TBL3: variants seen among roughly 807,000 people sequenced by gnomAD.
TBL3 encodes transducin beta-like protein 3.
In TBL3, 71 loss-of-function variants were observed where a neutral mutation model predicts 102.7. The ratio of observed to expected loss-of-function variants is 0.69; its 90% CI spans 0.57 to 0.84. The LOEUF (loss-of-function observed/expected upper bound fraction) is 0.84. TBL3 is among the 40% of genes least tolerant of loss of function. The probability of loss-of-function intolerance (pLI) is 0.00; values close to 1 mark genes in which losing one functional copy is unlikely to be tolerated. For missense variants in TBL3, 1,188 were observed against 1,098.5 expected, an observed-to-expected ratio of 1.08 and a Z score of -1.15; for synonymous variants, 578 against 477.7, an observed-to-expected ratio of 1.21 and a Z score of -2.74.
In TBL3 at chr16:1,974,989, G is replaced by A. The variant is rs756667892; in HGVS notation, c.526G>A (p.Ala176Thr). 1.9e-5 allele frequency: 31 copies of A among 1,607,774 alleles called. No individual in the cohort carries two copies. Among genetic ancestry groups the A allele is most frequent in the Admixed American group, 8.3e-5 (5 of 60,004 alleles). The change falls in exon 7 of 22, where the codon GCC (alanine) becomes ACC (threonine). Residue 176 changes from alanine (A) to threonine (T), a missense_variant. By Grantham distance (58) the Ala-to-Thr change is moderately conservative. Coordinates refer to ENST00000568546, the MANE Select transcript of TBL3 (RefSeq NM_006453.3). ...GCTCTTCTCCTCGGCCACGGATGCC[G>A]CCATCCGCGTGTGGTCACTGCAGGA... ...LLLFSSATDA[A>T]IRVWSLQDRS...
chr16:1,975,274 T>C lies in TBL3; in HGVS notation c.711+12T>C, dbSNP rs1473389493. On this transcript the variant is annotated intron_variant, in intron 8 of 21. Transcript: ENST00000568546. ...TGCCTGTGTTTGAGGTGGGGATGCC[T>C]GGAGGCCAGGGCTGGTTGAGTTGGG... 2 of 1,613,906 alleles carry C rather than the reference T, an allele frequency of 1.2e-6. No homozygotes were observed. Among genetic ancestry groups the C allele is most frequent in the South Asian group, 1.1e-5 (1 of 91,072 alleles).
chr16:1,977,627 A>C lies in TBL3; in HGVS notation c.1856A>C (p.His619Pro), dbSNP rs2083414720. The C allele has an allele frequency of 1.3e-6, 2 of 1,554,158 alleles. No homozygotes were observed. The highest frequency in any genetic ancestry group is 1.7e-6 in the Non-Finnish European group (2 of 1,148,426). ...WGLHCSRLDD[H>P]ALTGASDSRV... is the part of the protein sequence containing the mutation. ...CTGCACTGCAGCCGGCTGGACGACC[A>C]CGCCCTCACTGGGGCCAGTGACTCC... is the stretch of plus-strand genomic sequence containing the variant. The change falls in exon 17 of 22, where the codon CAC becomes CCC. Residue 619 changes from histidine (H) to proline (P), a missense_variant. Coordinates refer to ENST00000568546, the MANE Select transcript of TBL3 (RefSeq NM_006453.3).
chr16:1,981,577 C>T lies in TBL3; in HGVS notation c.*2892C>T, dbSNP rs1031551991. ...AGGGCTAATCAAAGCGCCACCTGTC[C>T]TGCCCACCTCTCTGGATTCCCCTAC... On this transcript the variant is annotated 3_prime_UTR_variant, in exon 22 of 22. Coordinates refer to ENST00000568546, the MANE Select transcript of TBL3 (RefSeq NM_006453.3). 1.7e-4 allele frequency: 35 copies of T among 208,946 alleles called. No individual in the cohort carries two copies. The highest frequency in any genetic ancestry group is 4.0e-4 in the Admixed American group (7 of 17,434). 12.9% of individuals were successfully genotyped at this position (208,946 alleles called of 1,614,324 possible).
intron 7 of TBL3, 38 bp downstream of exon 7, chr16:1,975,136 A>G (rs1254503185): frequency 6.2e-7 from 1 of 1,613,288 alleles, no homozygotes; most frequent in Non-Finnish European, 8.5e-7. Flanking sequence ...GAGGCTTGGA[A>G]AGTGGGGGCT....
Position 1,977,862 on chromosome 16 carries a change from G to T in TBL3, c.1958+62G>T. 4.4e-6 allele frequency: 7 copies of T among 1,587,470 alleles called. No homozygotes were observed. The South Asian group carries it at 6.8e-5, about 15-fold the overall frequency. Reference sequence around the variant, plus strand: ...CCCTGCTCTGTGCTGTAGGGAAAACGAGGCTGAGTGCCAGGCTCCCTGCCT... The same window carrying T: ...CCCTGCTCTGTGCTGTAGGGAAAACTAGGCTGAGTGCCAGGCTCCCTGCCT... On this transcript the variant is annotated intron_variant, in intron 18 of 21. Transcript: ENST00000568546.
At chr16:1,975,999 G>T in intron 11 of TBL3, 50 bp downstream of exon 11, 3 of 1,614,084 alleles carry the variant, frequency 1.9e-6, no homozygotes, top group Non-Finnish European at 2.5e-6. Context: ...TCGGTCCCTT[G>T]CTTGCTTCCC....
Position 1,975,592 on chromosome 16 carries a change from G to A in TBL3, c.869G>A (p.Gly290Asp). ...GTGTACACGCAGGCCCAGCCGCCGG[G>A]CCCTGGGCAGGAGCTGACCCACTGC... ...QCVYTQAQPP[G>D]PGQELTHCTL... Residue 290 changes from glycine (G) to aspartate (D), a missense_variant, in exon 10 of 22, where the codon GGC becomes GAC. Physicochemically the swap from Gly to Asp is moderately conservative, Grantham distance 94. Coordinates refer to ENST00000568546, the MANE Select transcript of TBL3 (RefSeq NM_006453.3). 1.2e-6 allele frequency: 2 copies of A among 1,600,796 alleles called. No individual in the cohort carries two copies. The highest frequency in any genetic ancestry group is 1.1e-5 in the South Asian group (1 of 90,996).
rs752909872 is a variant in TBL3 at position 1,979,953 on chromosome 16, C to T, written c.*1268C>T. 137 of 1,581,250 alleles carry T rather than the reference C, an allele frequency of 8.7e-5. No homozygotes were observed. The highest frequency in any genetic ancestry group is 1.7e-4 in the Middle Eastern group (1 of 5,950). The stretch of plus-strand genomic sequence containing the variant: ...CTCAAATCTCGAGGCTCCCTCGGGT[C>T]CAGGAGCAGAGGAGCAAATCCCTGG... On this transcript the variant is annotated 3_prime_UTR_variant, in exon 22 of 22. Transcript: ENST00000568546.
intron 1 of TBL3, among the ~76,000 whole-genome samples, chr16:1,972,982 A>G (rs1037354755): frequency 1.6e-4 from 25 of 152,178 alleles, no homozygotes; most frequent in Admixed American, 5.2e-4. Flanking sequence ...GGACAGGAGC[A>G]GTGGGGTGCA....
Position 1,979,182 on chromosome 16 carries a change from C to T in TBL3, c.*497C>T. ...GCTCTGGATGGCGCCCGGCGAAGGT[C>T]GGGTGGGCACGGTGGGGGGAGGGGC... On this transcript the variant is annotated 3_prime_UTR_variant, in exon 22 of 22. Transcript: ENST00000568546. The T allele has an allele frequency of 1.5e-6, 2 of 1,314,074 alleles. No individual in the cohort carries two copies. The highest frequency in any genetic ancestry group is 2.0e-6 in the Non-Finnish European group (2 of 991,868). The allele number at this position is 1,314,074 out of a possible 1,614,324, so 81.4% of individuals were successfully genotyped here. A position where few individuals can be genotyped will look rare whatever the true frequency, so the allele number is the denominator to read the frequency against.
At position 1,975,698 on chromosome 16, in the gene TBL3, G is replaced by A; in HGVS notation, c.975G>A (p.Arg325=). Residue 325 remains arginine (R), a synonymous_variant, in exon 10 of 22, where the codon CGG becomes CGA. Coordinates refer to ENST00000568546, the MANE Select transcript of TBL3 (RefSeq NM_006453.3). ...TGCTCTACGAGGCTCGCTCCCTGCG[G>A]CTGCAGAAACAGGTGCACACCTGCC... ...NLLLYEARSL[R]LQKQFAGYSE... is the part of the protein sequence containing the mutation. 1 of 1,611,876 alleles carries A rather than the reference G, an allele frequency of 6.2e-7. No individual in the cohort carries two copies. The highest frequency in any genetic ancestry group is 8.5e-7 in the Non-Finnish European group (1 of 1,179,588).
In TBL3 at chr16:1,975,172, C is replaced by A. The variant is rs1433784150; in HGVS notation, c.636-15C>A. 1 of 1,613,612 alleles carries A rather than the reference C, an allele frequency of 6.2e-7. No individual in the cohort carries two copies. The highest frequency in any genetic ancestry group is 1.3e-5 in the African/African-American group (1 of 74,908). ...GAGGCTAAGACTTGACCTGAGGTTG[C>A]CGTTGCTCCTTCAGCTCCGGCCGTG... On this transcript the variant is annotated splice_polypyrimidine_tract_variant and intron_variant, in intron 7 of 21. Transcript: ENST00000568546.
At chr16:1,972,383 C>T (rs1327562033) in intron 1 of TBL3, among the ~76,000 whole-genome samples, 178 bp downstream of exon 1, 2 of 152,182 alleles carry the variant, frequency 1.3e-5, no homozygotes, top group African/African-American at 4.8e-5. Context: ...GCCCCGGCTG[C>T]TCTCGGGGAG....
At position 1,980,671 on chromosome 16, in the gene TBL3, G is replaced by A. The variant is rs1225439140; in HGVS notation, c.*1986G>A. The A allele has an allele frequency of 1.2e-6, 2 of 1,607,074 alleles. No individual in the cohort carries two copies. The highest frequency in any genetic ancestry group is 2.2e-5 in the South Asian group (2 of 90,020). ...CTGGCCTGACCGAGAAGCTTTGGGA[G>A]AACGCGGTCAGATCTCCGCAGCAGG... is the stretch of plus-strand genomic sequence containing the variant. On this transcript the variant is annotated 3_prime_UTR_variant, in exon 22 of 22. Transcript: ENST00000568546.
rs2238413 is a variant in TBL3 at position 1,982,900 on chromosome 16, G to A, written c.*4215G>A. ...GCCACTGCACTCCACCCTGGGTAAC[G>A]GAACAAGACCCTGTCTCAAAAAAAA... On this transcript the variant is annotated 3_prime_UTR_variant, in exon 22 of 22. Transcript: ENST00000568546. 0.21 allele frequency: 31,413 copies of A among 151,222 alleles called. 5,248 individuals carry two copies. The highest frequency in any genetic ancestry group is 0.45 in the African/African-American group (18,616 of 41,016). The allele number at this position is 151,222 out of a possible 1,614,324, so 9.4% of individuals were successfully genotyped here.
chr16:1,978,399 CGA>C lies in TBL3; in HGVS notation c.2225_2226del (p.Glu742GlyfsTer16). On this transcript the variant is annotated frameshift_variant, in exon 21 of 22. Transcript: ENST00000568546. LOFTEE classifies it high-confidence loss of function. ...AQAVLGVLLR[R>X]EAPEELLAYE... ...GGCCGTGCTGGGTGTGCTCTTGAGGCGAGAGGCCCCCGAGGAGCTGCTGGCCT... is the reference window on the plus strand; with the variant it reads ...GGCCGTGCTGGGTGTGCTCTTGAGGCGAGGCCCCCGAGGAGCTGCTGGCCT... The C allele has an allele frequency of 6.2e-7, 1 of 1,611,476 alleles. No individual in the cohort carries two copies. Among genetic ancestry groups the C allele is most frequent in the East Asian group, 2.2e-5 (1 of 44,834 alleles).
Position 1,978,170 on chromosome 16 carries a change from C to T in TBL3, c.2084C>T (p.Ala695Val), listed in dbSNP as rs745933962. The T allele has an allele frequency of 1.1e-5, 17 of 1,612,650 alleles. No individual in the cohort carries two copies. In the East Asian group the frequency reaches 3.6e-4, roughly 34 times the overall value. The change falls in exon 20 of 22, where the codon GCC (alanine) becomes GTC (valine). Residue 695 changes from alanine to valine, a missense_variant. Transcript: ENST00000568546. ...VIQAIRRDPE[A>V]CEKLEATMLR... ...ACAGCCATCCGGAGGGACCCTGAGG[C>T]CTGCGAGAAGCTGGAAGCCACCATG...
Position 1,979,664 on chromosome 16 carries a change from G to A in TBL3, c.*979G>A. The A allele has an allele frequency of 3.3e-6, 4 of 1,195,386 alleles. No homozygotes were observed. Among genetic ancestry groups the A allele is most frequent in the Non-Finnish European group, 4.7e-6 (4 of 853,928 alleles). The allele number at this position is 1,195,386 out of a possible 1,614,324, so 74.0% of individuals were successfully genotyped here. On this transcript the variant is annotated 3_prime_UTR_variant, in exon 22 of 22. Coordinates refer to ENST00000568546, the MANE Select transcript of TBL3 (RefSeq NM_006453.3). ...GCGGGGCCGCTCTAAGACCGGTTCG[G>A]GGCTTCCTCTAGGTGCGGAGACCAA...
rs143294847 is a variant in TBL3, at chr16:1,977,468, C to CG, written c.1743-40dup. 4.3e-3 allele frequency: 2,461 copies of CG among 568,480 alleles called. 33 individuals carry two copies. The highest frequency in any genetic ancestry group is 0.041 in the African/African-American group (2,115 of 51,392). The allele number at this position is 568,480 out of a possible 1,614,324, so 35.2% of individuals were successfully genotyped here. ...GGGGCAGCGATGGAGTGGGGGGTGG[C>CG]GGGGGGACCTGCCTGACGCTGAGCC... is the stretch of plus-strand genomic sequence containing the variant. On this transcript the variant is annotated intron_variant, in intron 16 of 21. Coordinates refer to ENST00000568546, the MANE Select transcript of TBL3 (RefSeq NM_006453.3).
Sources: gnomAD v4.1 joint callset for allele counts (sites outside exome capture counted in the v4.1 genomes callset) on GRCh38, gnomAD v4.1.1 for gene constraint, MANE v1.5 for transcripts, NCBI Gene and HGNC (gene_info 2026-07-23, HGNC 2026-07-21) for gene names.